The following SNTA1 variants were observed in gnomAD, a reference collection of about 807,000 sequenced individuals.
SNTA1 encodes the protein alpha-1-syntrophin.
In SNTA1, 31 loss-of-function variants were observed where a neutral mutation model predicts 47.1. That is an observed-to-expected ratio of 0.66 (90% CI 0.49 to 0.89). The LOEUF is 0.89. SNTA1 is among the 40% of genes least tolerant of loss of function. The probability of loss-of-function intolerance (pLI) is 0.00; values close to 1 mark genes in which losing one functional copy is unlikely to be tolerated. For synonymous variants in SNTA1, 300 were observed against 313.6 expected (o/e 0.96, Z 0.46); for missense variants, 575 against 693.0 (o/e 0.83, Z 1.91).
chr20:33,412,858 A>G (rs768701311), intron 3 of SNTA1, 76 bp from the exon 4 acceptor site: 238 of 963,864 alleles, frequency 2.5e-4, no homozygotes, highest in Admixed American at 7.4e-4. Flanking sequence ...AAGAAACCCC[A>G]CCCACCACCA....
chr20:33,433,006 T>C (rs1005784160), intron 2 of SNTA1, among the ~76,000 whole-genome samples: 2 of 152,170 alleles, frequency 1.3e-5, no homozygotes, highest in Admixed American at 6.6e-5. Context: ...CTTGGCTCAC[T>C]GCGACATCCA....
At chr20:33,424,363 T>C (rs1221068868) in intron 2 of SNTA1, among the ~76,000 whole-genome samples, 1 of 150,482 alleles carries the variant, frequency 6.6e-6, no homozygotes, top group Non-Finnish European at 1.5e-5. Flanking sequence ...GTACTTGACA[T>C]ATACCAAGTA....
rs1834596370 is a variant in SNTA1 at position 33,415,754 on chromosome 20, G to A, written c.701+1965C>T. Among the ~76,000 whole-genome samples the A allele has an allele frequency of 2.7e-5, 4 of 150,634 alleles. No individual in the cohort carries two copies. In the South Asian group the frequency reaches 6.3e-4, roughly 24 times the overall value. On this transcript the variant is annotated intron_variant, in intron 3 of 7. Transcript: ENST00000217381. ...TGCAGTGAGCTGAGATTGTACCACTGCACTCCATCCAGCCTGGCAACAGAG... is the reference window on the plus strand; with the variant it reads ...TGCAGTGAGCTGAGATTGTACCACTACACTCCATCCAGCCTGGCAACAGAG...
intron 2 of SNTA1, among the ~76,000 whole-genome samples, chr20:33,430,376 C>T (rs532083985): frequency 1.1e-4 from 16 of 150,544 alleles, no homozygotes; most frequent in African/African-American, 3.7e-4. Flanking sequence ...GCAACCTCCA[C>T]CTCCTGGGCT....
chr20:33,433,917 C>T (rs973749704), intron 2 of SNTA1, among the ~76,000 whole-genome samples: 4 of 152,098 alleles, frequency 2.6e-5, no homozygotes, highest in Non-Finnish European at 5.9e-5. Context: ...CCAACTTAGG[C>T]CAGGGAAGTA....
Position 33,443,524 on chromosome 20 carries a change from GCA to G in SNTA1, c.95_96del (p.Leu32ProfsTer92). On this transcript the variant is annotated frameshift_variant, in exon 1 of 8. Coordinates refer to ENST00000217381, the MANE Select transcript of SNTA1 (RefSeq NM_003098.3). LOFTEE classifies it high-confidence loss of function. ...GTCAGCACGTCCTCCGCCAGACTCA[GCA>G]GCACCCGCTGCCATCGCTCGCCGCC... ...GAGGERWQRV[L>X]LSLAEDVLTV... 4.4e-6 allele frequency: 6 copies of G among 1,356,254 alleles called. No individual in the cohort carries two copies. Among genetic ancestry groups the G allele is most frequent in the Non-Finnish European group, 5.7e-6 (6 of 1,047,498 alleles). 84.0% of individuals were successfully genotyped at this position (1,356,254 alleles called of 1,614,324 possible).
chr20:33,427,973 G>A (rs1467216845), intron 2 of SNTA1, among the ~76,000 whole-genome samples: 1 of 151,898 alleles, frequency 6.6e-6, no homozygotes, highest in Non-Finnish European at 1.5e-5. Flanking sequence ...GGAGTGCAGT[G>A]GCTGTTCACA....
In SNTA1 at chr20:33,412,602, G is replaced by C; in HGVS notation, c.882C>G (p.Ile294Met). Residue 294 changes from isoleucine to methionine, a missense_variant, in exon 4 of 8, where the codon ATC (isoleucine) becomes ATG (methionine). Physicochemically the swap from Ile to Met is conservative, Grantham distance 10 (BLOSUM62 1). Transcript: ENST00000217381. ...AATSTAGSQDIKQIGWLTEQL... is the reference protein window; with the variant it reads ...AATSTAGSQDMKQIGWLTEQL... ...GCTCAGTTAGCCAGCCAATCTGCTT[G>C]ATGTCCTGGCTCCCAGCTGTGCTGG... The C allele has an allele frequency of 6.2e-7, 1 of 1,613,832 alleles. No homozygotes were observed. The highest frequency in any genetic ancestry group is 8.5e-7 in the Non-Finnish European group (1 of 1,180,012).
At chr20:33,441,205 A>G (rs1230498605) in intron 1 of SNTA1, among the ~76,000 whole-genome samples, 1 of 152,146 alleles carries the variant, frequency 6.6e-6, no homozygotes, top group Non-Finnish European at 1.5e-5. Flanking sequence ...TCAGTTTCCT[A>G]TTAGGGAAAC....
At chr20:33,434,646 C>G (rs1990391428) in intron 2 of SNTA1, among the ~76,000 whole-genome samples, 1 of 152,106 alleles carries the variant, frequency 6.6e-6, no homozygotes, top group Non-Finnish European at 1.5e-5. Context: ...CAAAGCCTCC[C>G]AATCCTTCCA....
At chr20:33,442,365 G>A (rs1488992344) in intron 1 of SNTA1, among the ~76,000 whole-genome samples, 10 of 152,190 alleles carry the variant, frequency 6.6e-5, no homozygotes, top group Non-Finnish European at 1.2e-4. Context: ...CAAAGCACCT[G>A]CTGGGGGCTG....
chr20:33,438,279 A>G (rs1193925651), intron 2 of SNTA1, among the ~76,000 whole-genome samples: 1 of 152,142 alleles, frequency 6.6e-6, no homozygotes, highest in Non-Finnish European at 1.5e-5. Context: ...CAGCCTGGAC[A>G]ACAGAGCAAG....
chr20:33,439,038 C>A lies in SNTA1; in HGVS notation c.311-12G>T. On this transcript the variant is annotated splice_polypyrimidine_tract_variant and intron_variant, in intron 1 of 7. Coordinates refer to ENST00000217381, the MANE Select transcript of SNTA1 (RefSeq NM_003098.3). ...GTTCTCCCGGCCGCCTGCACAGGTA[C>A]AGAAGGAGGACAAGACTTAGGCAGA... 1 of 1,613,156 alleles carries A rather than the reference C, an allele frequency of 6.2e-7. No individual in the cohort carries two copies. Among genetic ancestry groups the A allele is most frequent in the Non-Finnish European group, 8.5e-7 (1 of 1,179,142 alleles).
chr20:33,408,740 A>T lies in SNTA1; in HGVS notation c.1386T>A (p.Ser462Arg). ...KLQMSSDDGA[S>R]LLFLDFGGAE... ...CACCTCCAAAATCCAGGAAAAGGAG[A>T]CTGGCACCGTCATCTGAAGACATCT... is the stretch of plus-strand genomic sequence containing the variant. The change falls in exon 7 of 8, where the codon AGT becomes AGA. Residue 462 changes from serine (S) to arginine (R), a missense_variant. Transcript: ENST00000217381. 6.2e-7 allele frequency: 1 copy of T among 1,614,102 alleles called. No homozygotes were observed. Among genetic ancestry groups the T allele is most frequent in the Non-Finnish European group, 8.5e-7 (1 of 1,180,022 alleles).
chr20:33,442,613 C>T (rs1409800414), intron 1 of SNTA1, among the ~76,000 whole-genome samples: 1 of 152,118 alleles, frequency 6.6e-6, no homozygotes, highest in Admixed American at 6.6e-5. Flanking sequence ...AGAGGCGGGA[C>T]GGGACTTTTG....
At position 33,408,409 on chromosome 20, in the gene SNTA1, C is replaced by G. The variant is rs1989647174; in HGVS notation, c.*98G>C. On this transcript the variant is annotated 3_prime_UTR_variant, in exon 8 of 8. Transcript: ENST00000217381. ...TCGGAGGCCCTTGTTCCTCTCCTCT[C>G]CCTTCCCTCAGCCCAGGGGTGAGCA... 2 of 881,066 alleles carry G rather than the reference C, an allele frequency of 2.3e-6. No individual in the cohort carries two copies. Among genetic ancestry groups the G allele is most frequent in the Non-Finnish European group, 3.8e-6 (2 of 529,058 alleles). 54.6% of individuals were successfully genotyped at this position (881,066 alleles called of 1,614,324 possible).
At chr20:33,438,224 C>T (rs291678) in intron 2 of SNTA1, among the ~76,000 whole-genome samples, 23,100 of 152,080 alleles carry the variant, frequency 0.15, 2,130 homozygotes, top group East Asian at 0.39. Flanking sequence ...CACTTGAACC[C>T]AGGAGGCAGA....
In SNTA1 at chr20:33,408,856, ACAGGCTGCAGGGACGCCCATTCCACGTG is replaced by A; in HGVS notation, c.1242_1269del (p.Thr415LeufsTer63). The A allele has an allele frequency of 6.2e-7, 1 of 1,614,042 alleles. No homozygotes were observed. The highest frequency in any genetic ancestry group is 1.3e-5 in the African/African-American group (1 of 74,914). On this transcript the variant is annotated frameshift_variant, in exon 7 of 8. Transcript: ENST00000217381. LOFTEE classifies it high-confidence loss of function. ...GTGAAGCCCTTGTCGATGTGCACAG[ACAGGCTGCAGGGACGCCCATTCCACGTG>A]CAGGCTGCAGGGAGGGCACATAGGT...
chr20:33,408,795 A>C lies in SNTA1; in HGVS notation c.1331T>G (p.Val444Gly). The change falls in exon 7 of 8, where the codon GTG (valine) becomes GGG (glycine). Residue 444 changes from valine (V) to glycine (G), a missense_variant. Transcript: ENST00000217381. ...CTTCTCGAAGGGCTGTCGCAGGAGC[A>C]CAGCTCGGGCTGCACCTGGCTCAGC... ...WAAEPGAARA[V>G]LLRQPFEKLQ... 6.2e-7 allele frequency: 1 copy of C among 1,614,208 alleles called. No individual in the cohort carries two copies. Among genetic ancestry groups the C allele is most frequent in the African/African-American group, 1.3e-5 (1 of 75,070 alleles).
Sources: allele counts gnomAD v4.1 joint callset (sites outside exome capture counted in the v4.1 genomes callset), GRCh38; gene constraint gnomAD v4.1.1; transcripts MANE v1.5; gene names NCBI Gene and HGNC (gene_info 2026-07-23, HGNC 2026-07-21).